Variants in WDR7 observed in about 807,000 individuals in gnomAD.
WDR7 encodes WD repeat domain 7, also known as WD repeat-containing protein 7.
A neutral mutation model predicts 169.4 loss-of-function variants in WDR7; 46 were observed. The observed-to-expected ratio is 0.27, with a 90% confidence interval of 0.21 to 0.35. WDR7 has a LOEUF of 0.35. Ranked by LOEUF, WDR7 falls within the 10% of genes least tolerant of loss-of-function variation. WDR7 has a pLI of 1.00. For missense variants in WDR7, 1,534 were observed against 1,859.3 expected, an observed-to-expected ratio of 0.83 and a Z score of 3.22; for synonymous variants, 612 against 666.8, an observed-to-expected ratio of 0.92 and a Z score of 1.27.
intron 12 of WDR7, among the ~76,000 whole-genome samples, chr18:56,698,687 G>C (rs2025759268): frequency 6.6e-6 from 1 of 152,044 alleles, no homozygotes. Flanking sequence ...AAAATGTAGT[G>C]AATAAAATAC....
rs117478529 is a variant in WDR7, at chr18:56,816,706, G to T, written c.3304+562G>T. 3.0e-4 allele frequency among the ~76,000 whole-genome samples: 45 copies of T among 148,930 alleles called. No homozygotes were observed. In the East Asian group the frequency reaches 8.1e-3, roughly 27 times the overall value. On this transcript the variant is annotated intron_variant, in intron 20 of 27. Transcript: ENST00000254442. ...GAAACTCACACACTATAAATGTTTAGCCCGTCTTTTTATACTCTTAAGGCA... is the reference window on the plus strand; with the variant it reads ...GAAACTCACACACTATAAATGTTTATCCCGTCTTTTTATACTCTTAAGGCA...
intron 4 of WDR7, among the ~76,000 whole-genome samples, chr18:56,681,631 C>T (rs2144572689): frequency 6.6e-6 from 1 of 152,308 alleles, no homozygotes; most frequent in East Asian, 1.9e-4. Context: ...GCTGCTTCTG[C>T]TATTCTGGGC....
chr18:56,990,527 A>T lies in WDR7; in HGVS notation c.4164+27998A>T, dbSNP rs1036913413. On this transcript the variant is annotated intron_variant, in intron 26 of 27. Transcript: ENST00000254442. The stretch of plus-strand genomic sequence containing the variant: ...TCTTTCAAACAATATGAGAGGGGGA[A>T]AAAGAAGATGAACCTGGATGAAGCA... Among the ~76,000 whole-genome samples the T allele has an allele frequency of 1.3e-5, 2 of 152,208 alleles. 1 individual carries two copies.
intron 2 of WDR7, among the ~76,000 whole-genome samples, chr18:56,676,067 A>G (rs1264719733): frequency 1.3e-5 from 2 of 152,212 alleles, no homozygotes; most frequent in African/African-American, 4.8e-5. Flanking sequence ...TGCTGGGTGA[A>G]TATATATTTA....
At chr18:56,841,527 C>CATA (rs1006688195) in intron 20 of WDR7, among the ~76,000 whole-genome samples, 1 of 144,628 alleles carries the variant, frequency 6.9e-6, no homozygotes, top group African/African-American at 2.6e-5. Context: ...GCCTGGACGA[C>CATA]AGAGTGAGAC....
intron 20 of WDR7, among the ~76,000 whole-genome samples, chr18:56,852,317 C>T (rs533297533): frequency 3.5e-4 from 53 of 152,168 alleles, no homozygotes; most frequent in African/African-American, 1.2e-3. Flanking sequence ...ATCTTTATGG[C>T]GTGATTTGGA....
chr18:56,758,787 G>A (rs1032987678), intron 15 of WDR7, 78 bp from the exon 16 acceptor site: 5 of 1,097,528 alleles, frequency 4.6e-6, no homozygotes, highest in Non-Finnish European at 6.3e-6. Context: ...TTTAGAAGTA[G>A]AAAATTTTTT....
chr18:56,752,127 A>G (rs949487832), intron 14 of WDR7, among the ~76,000 whole-genome samples: 1 of 152,188 alleles, frequency 6.6e-6, no homozygotes, highest in African/African-American at 2.4e-5. Context: ...ACGCGTTCCT[A>G]AAGATACTGG....
intron 26 of WDR7, among the ~76,000 whole-genome samples, chr18:57,011,212 G>T (rs754501003): frequency 6.6e-6 from 1 of 152,176 alleles, no homozygotes; most frequent in Non-Finnish European, 1.5e-5. Flanking sequence ...CCCCCCCACA[G>T]AAGAAATATT....
chr18:56,743,173 A>ATTT, intron 14 of WDR7, among the ~76,000 whole-genome samples: 1 of 152,260 alleles, frequency 6.6e-6, no homozygotes, highest in East Asian at 1.9e-4. Flanking sequence ...GTGATATCGA[A>ATTT]TGTAAAAGCA....
intron 26 of WDR7, among the ~76,000 whole-genome samples, chr18:57,015,660 T>C (rs1319320863): frequency 6.6e-6 from 1 of 152,214 alleles, no homozygotes; most frequent in East Asian, 1.9e-4. Context: ...CAGAGCCTGG[T>C]TCCCCCTCCT....
At chr18:56,656,193 G>A (rs1342249328) in intron 1 of WDR7, among the ~76,000 whole-genome samples, 1 of 151,704 alleles carries the variant, frequency 6.6e-6, no homozygotes, top group South Asian at 2.1e-4. Context: ...TTCTGGAGTG[G>A]TTGTACCATT....
chr18:56,720,119 A>G (rs1158713946), intron 13 of WDR7, among the ~76,000 whole-genome samples: 1 of 152,196 alleles, frequency 6.6e-6, no homozygotes, highest in Non-Finnish European at 1.5e-5. Flanking sequence ...TCTTATAGCA[A>G]TAATGGCATT....
rs764742682 is a variant in WDR7 at position 56,681,279 on chromosome 18, C to A, written c.267-34C>A. ...AAAGTTGAATGGTGCTTTAAAAAGT[C>A]ACACTCAAAGCTGACCATTATTTTG... On this transcript the variant is annotated intron_variant, in intron 3 of 27. Coordinates refer to ENST00000254442, the MANE Select transcript of WDR7 (RefSeq NM_015285.3). 47 of 1,396,376 alleles carry A rather than the reference C, an allele frequency of 3.4e-5. 1 individual carries two copies. The highest frequency in any genetic ancestry group is 4.3e-5 in the Non-Finnish European group (44 of 1,016,810). 86.5% of individuals were successfully genotyped at this position (1,396,376 alleles called of 1,614,324 possible).
chr18:56,750,802 A>G (rs2043779033), intron 14 of WDR7, among the ~76,000 whole-genome samples: 1 of 152,230 alleles, frequency 6.6e-6, no homozygotes, highest in Non-Finnish European at 1.5e-5. Context: ...ATATTACAAT[A>G]TCAGACATGT....
rs1599260160 is a variant in WDR7, at chr18:57,028,809, G to C, written c.*1602G>C. On this transcript the variant is annotated 3_prime_UTR_variant, in exon 28 of 28. Coordinates refer to ENST00000254442, the MANE Select transcript of WDR7 (RefSeq NM_015285.3). The stretch of plus-strand genomic sequence containing the variant: ...TTTCCATTGACGGCAAATCTATACT[G>C]TTCCTTGGTTTTAGAGTTGGGTATT... 6.6e-6 allele frequency: 1 copy of C among 152,622 alleles called. No individual in the cohort carries two copies. The highest frequency in any genetic ancestry group is 2.1e-4 in the South Asian group (1 of 4,832). 9.5% of individuals were successfully genotyped at this position (152,622 alleles called of 1,614,324 possible). A position where few individuals can be genotyped will look rare whatever the true frequency, so the allele number is the denominator to read the frequency against.
chr18:56,771,883 A>AAAG (rs1273990635), intron 16 of WDR7, among the ~76,000 whole-genome samples: 2 of 151,318 alleles, frequency 1.3e-5, no homozygotes, highest in African/African-American at 4.9e-5. Flanking sequence ...ACTCCATCTC[A>AAAG]AAGAAGAAGA....
At chr18:56,789,600 G>A (rs2044454191) in intron 19 of WDR7, among the ~76,000 whole-genome samples, 1 of 152,232 alleles carries the variant, frequency 6.6e-6, no homozygotes, top group African/African-American at 2.4e-5. Context: ...CATCCAGTGT[G>A]ATTTTCACCT....
At chr18:56,856,114 T>C (rs982308607) in intron 20 of WDR7, among the ~76,000 whole-genome samples, 2 of 152,134 alleles carry the variant, frequency 1.3e-5, no homozygotes, top group South Asian at 2.1e-4. Flanking sequence ...AAGACCAAAA[T>C]TTCCAAGACT....
Sources: gnomAD v4.1 joint callset for allele counts (sites outside exome capture counted in the v4.1 genomes callset) on GRCh38, gnomAD v4.1.1 for gene constraint, MANE v1.5 for transcripts, NCBI Gene and HGNC (gene_info 2026-07-23, HGNC 2026-07-21) for gene names.